The following FRS2 variants were observed in gnomAD, a reference collection of about 807,000 sequenced individuals.
FRS2 encodes FGFR signalling adaptor.
A neutral mutation model predicts 43.9 loss-of-function variants in FRS2; 8 were observed. The observed-to-expected ratio is 0.18, with a 90% CI of 0.11 to 0.33. The LOEUF is 0.33. FRS2 is among the 10% of genes least tolerant of loss of function. The pLI, the probability that FRS2 is intolerant of heterozygous loss-of-function variation, is 1.00. For missense variants in FRS2, 534 were observed against 627.6 expected, an observed-to-expected ratio of 0.85 and a Z score of 1.59; for synonymous variants, 219 against 220.3, an observed-to-expected ratio of 0.99 and a Z score of 0.05.
At chr12:69,492,176 AG>A (rs1477265476) in intron 1 of FRS2, among the ~76,000 whole-genome samples, 5 of 152,224 alleles carry the variant, frequency 3.3e-5, no homozygotes, top group Non-Finnish European at 5.9e-5. Context: ...TTATGTGGAT[AG>A]CCTGTATCTT....
chr12:69,555,504 A>G (rs1879262166), intron 3 of FRS2, among the ~76,000 whole-genome samples: 1 of 152,188 alleles, frequency 6.6e-6, no homozygotes, highest in African/African-American at 2.4e-5. Flanking sequence ...TTGGCATTTC[A>G]TGAGGGGGAA....
At chr12:69,542,628 T>C (rs914037242) in intron 3 of FRS2, among the ~76,000 whole-genome samples, 2 of 152,240 alleles carry the variant, frequency 1.3e-5, no homozygotes, top group African/African-American at 4.8e-5. Context: ...TCCAAACTTG[T>C]ACCTTCCAAC....
intron 3 of FRS2, among the ~76,000 whole-genome samples, chr12:69,538,840 T>G (rs1159792262): frequency 6.6e-6 from 1 of 152,206 alleles, no homozygotes; most frequent in Non-Finnish European, 1.5e-5. Context: ...TATTAATCTT[T>G]CAACTTCATA....
intron 1 of FRS2, among the ~76,000 whole-genome samples, chr12:69,499,550 G>A (rs1190524057): frequency 1.3e-5 from 2 of 152,006 alleles, no homozygotes; most frequent in Admixed American, 6.6e-5. Context: ...TCCAATTTTG[G>A]AGAAAGCATC....
chr12:69,480,087 TTAAC>T (rs1871221797), intron 1 of FRS2, among the ~76,000 whole-genome samples: 1 of 152,220 alleles, frequency 6.6e-6, no homozygotes, highest in Admixed American at 6.5e-5. Flanking sequence ...AACTTTTTAT[TTAAC>T]TATTATGCCC....
intron 4 of FRS2, among the ~76,000 whole-genome samples, chr12:69,568,653 G>T (rs1297945610): frequency 1.3e-5 from 2 of 151,792 alleles, no homozygotes; most frequent in African/African-American, 2.4e-5. Flanking sequence ...GCCACAAAGG[G>T]TTAATTTCAT....
intron 1 of FRS2, among the ~76,000 whole-genome samples, chr12:69,485,134 C>CACACACACACACACACACACACCCAT (rs1194988609): frequency 7.4e-6 from 1 of 134,272 alleles, no homozygotes; most frequent in Non-Finnish European, 1.6e-5. Flanking sequence ...CACACACACA[C>CACACACACACACACACACACACCCAT]ACTCTCACCC....
At chr12:69,491,021 A>G (rs976721154) in intron 1 of FRS2, among the ~76,000 whole-genome samples, 1 of 152,172 alleles carries the variant, frequency 6.6e-6, no homozygotes, top group Non-Finnish European at 1.5e-5. Flanking sequence ...CTTTTTTCCT[A>G]CCTTTCTGTC....
At chr12:69,564,422 G>T (rs516391) in intron 4 of FRS2, among the ~76,000 whole-genome samples, 32,333 of 151,784 alleles carry the variant, frequency 0.21, 3,925 homozygotes, top group East Asian at 0.37. Flanking sequence ...ACATACTTAT[G>T]TACTTAACTA....
intron 8 of FRS2, among the ~76,000 whole-genome samples, chr12:69,573,016 A>G (rs1011153881): frequency 6.6e-6 from 1 of 152,210 alleles, no homozygotes; most frequent in Non-Finnish European, 1.5e-5. Flanking sequence ...TATTTTTAGT[A>G]GAGACCGGGT....
At chr12:69,566,177 G>T (rs1280899341) in intron 4 of FRS2, among the ~76,000 whole-genome samples, 1 of 152,042 alleles carries the variant, frequency 6.6e-6, no homozygotes, top group African/African-American at 2.4e-5. Flanking sequence ...CTGCCAGCAC[G>T]AGAGGTTCTA....
intron 1 of FRS2, among the ~76,000 whole-genome samples, chr12:69,498,278 G>A (rs1220213133): frequency 6.6e-6 from 1 of 152,164 alleles, no homozygotes. Flanking sequence ...AGGAATTAAT[G>A]TATCAAGGGA....
In FRS2 at chr12:69,578,157, G is replaced by A. The variant is rs912551562; in HGVS notation, c.*3202G>A. The A allele has an allele frequency of 2.0e-5, 3 of 152,554 alleles. No homozygotes were observed. The highest frequency in any genetic ancestry group is 7.2e-5 in the African/African-American group (3 of 41,420). 9.5% of individuals were successfully genotyped at this position (152,554 alleles called of 1,614,324 possible). On this transcript the variant is annotated 3_prime_UTR_variant, in exon 9 of 9. Coordinates refer to ENST00000549921, the MANE Select transcript of FRS2 (RefSeq NM_001278356.2). ...AAAAAGTACTTCCCAATTCCCCCGTGCTATTCCTAACCTATAATGCCCAAA... is the reference window on the plus strand; with the variant it reads ...AAAAAGTACTTCCCAATTCCCCCGTACTATTCCTAACCTATAATGCCCAAA...
chr12:69,533,516 G>A (rs1427110954), intron 3 of FRS2, among the ~76,000 whole-genome samples: 1 of 151,972 alleles, frequency 6.6e-6, no homozygotes, highest in Non-Finnish European at 1.5e-5. Flanking sequence ...TGCCTGGCTA[G>A]TTTTGTATTT....
In FRS2 at chr12:69,562,202, A is replaced by G. The variant is rs1879934415; in HGVS notation, c.-99A>G. The G allele has an allele frequency of 2.5e-6, 1 of 398,368 alleles. No homozygotes were observed. The highest frequency in any genetic ancestry group is 2.1e-5 in the African/African-American group (1 of 48,764). 24.7% of individuals were successfully genotyped at this position (398,368 alleles called of 1,614,324 possible). ...TAGGTTAAATCAGCAAACAAAGAAAACATGGTATTTTGAAATATGATTAAA... is the reference window on the plus strand; with the variant it reads ...TAGGTTAAATCAGCAAACAAAGAAAGCATGGTATTTTGAAATATGATTAAA... On this transcript the variant is annotated 5_prime_UTR_variant, in exon 4 of 9. Transcript: ENST00000549921.
At chr12:69,571,172 G>A (rs1880719354) in intron 6 of FRS2, 104 bp from the exon 7 acceptor site, 3 of 637,208 alleles carry the variant, frequency 4.7e-6, no homozygotes, top group South Asian at 2.1e-5. Context: ...TTTCTGACTC[G>A]GTGCGTAGAA....
chr12:69,548,947 G>T (rs1878642815), intron 3 of FRS2, among the ~76,000 whole-genome samples: 1 of 152,238 alleles, frequency 6.6e-6, no homozygotes, highest in Admixed American at 6.5e-5. Flanking sequence ...CTAGGGTGCA[G>T]AGTAGAGTAG....
At chr12:69,483,228 T>C (rs1871499584) in intron 1 of FRS2, among the ~76,000 whole-genome samples, 1 of 152,212 alleles carries the variant, frequency 6.6e-6, no homozygotes, top group Admixed American at 6.6e-5. Flanking sequence ...TGTGCGTGCA[T>C]GTGTACATAT....
At chr12:69,491,268 A>G (rs1482384444) in intron 1 of FRS2, among the ~76,000 whole-genome samples, 1 of 151,698 alleles carries the variant, frequency 6.6e-6, no homozygotes, top group African/African-American at 2.4e-5. Context: ...CTAATTTTTT[A>G]TATTTTTTAT....
Sources: allele counts gnomAD v4.1 joint callset (sites outside exome capture counted in the v4.1 genomes callset), GRCh38; gene constraint gnomAD v4.1.1; transcripts MANE v1.5; gene names NCBI Gene and HGNC (gene_info 2026-07-23, HGNC 2026-07-21).